Variants in AGBL1 observed in about 807,000 individuals in gnomAD.
AGBL1 encodes the protein AGBL carboxypeptidase 1, also known as cytosolic carboxypeptidase 4.
In AGBL1, 130 loss-of-function variants were observed where a neutral mutation model predicts 118.9. The observed-to-expected ratio is 1.09, with a 90% CI of 0.95 to 1.26. AGBL1 has a LOEUF of 1.26. Ranked by LOEUF, AGBL1 falls within the 50% of genes most tolerant of loss-of-function variation. The probability of loss-of-function intolerance (pLI) is 0.00; values close to 1 mark genes in which losing one functional copy is unlikely to be tolerated. For synonymous variants in AGBL1, 555 were observed against 478.9 expected, an observed-to-expected ratio of 1.16 and a Z score of -2.08; for missense variants, 1,584 against 1,298.1, an observed-to-expected ratio of 1.22 and a Z score of -3.38.
chr15:86,432,072 T>A (rs201210002), intron 18 of AGBL1, among the ~76,000 whole-genome samples: 1 of 21,590 alleles, frequency 4.6e-5, no homozygotes, highest in African/African-American at 2.0e-3. Context: ...CAGGATCAGG[T>A]TTTTAACTCT....
At chr15:86,359,818 A>G (rs746763709) in intron 17 of AGBL1, among the ~76,000 whole-genome samples, 8 of 151,880 alleles carry the variant, frequency 5.3e-5, no homozygotes, top group Non-Finnish European at 8.8e-5. Flanking sequence ...GTTTGCTGCT[A>G]TTATGAGTGG....
chr15:86,485,813 G>C (rs2082705250), intron 18 of AGBL1, among the ~76,000 whole-genome samples: 1 of 152,034 alleles, frequency 6.6e-6, no homozygotes, highest in Admixed American at 6.6e-5. Flanking sequence ...TTCTTATTCT[G>C]ATCCAGGTGG....
At chr15:86,414,704 G>A (rs1342971613) in intron 18 of AGBL1, among the ~76,000 whole-genome samples, 1 of 152,100 alleles carries the variant, frequency 6.6e-6, no homozygotes, top group Non-Finnish European at 1.5e-5. Context: ...ATTTGAACAG[G>A]GTCACATTTG....
chr15:86,530,575 C>T (rs1169134424), intron 19 of AGBL1, among the ~76,000 whole-genome samples: 8 of 148,176 alleles, frequency 5.4e-5, no homozygotes, highest in African/African-American at 1.8e-4. Flanking sequence ...ACAAGGATAC[C>T]CAGGAATTGA....
intron 24 of AGBL1, among the ~76,000 whole-genome samples, chr15:87,026,990 G>T (rs1004824363): frequency 1.3e-5 from 2 of 151,960 alleles, no homozygotes; most frequent in South Asian, 2.1e-4. Context: ...TCAGGGAAAG[G>T]GTGGGAAGGG....
At chr15:86,323,016 T>C (rs1257629560) in intron 17 of AGBL1, among the ~76,000 whole-genome samples, 1 of 152,078 alleles carries the variant, frequency 6.6e-6, no homozygotes, top group African/African-American at 2.4e-5. Context: ...ATCTGTGGAG[T>C]TGTCAAACCA....
intron 17 of AGBL1, among the ~76,000 whole-genome samples, chr15:86,332,887 T>A (rs1343089464): frequency 6.6e-6 from 1 of 152,066 alleles, no homozygotes; most frequent in African/African-American, 2.4e-5. Context: ...AATCCTCTGC[T>A]CTCTCAAAAA....
chr15:86,231,236 G>A (rs1210118575), intron 6 of AGBL1, among the ~76,000 whole-genome samples: 1 of 152,060 alleles, frequency 6.6e-6, no homozygotes, highest in East Asian at 1.9e-4. Context: ...CCTCATACTG[G>A]GCTACACCCA....
At chr15:86,408,605 T>G (rs1404076623) in intron 18 of AGBL1, among the ~76,000 whole-genome samples, 2 of 152,188 alleles carry the variant, frequency 1.3e-5, no homozygotes, top group Non-Finnish European at 2.9e-5. Flanking sequence ...AGAGCAGAAT[T>G]ATTGGTGGAT....
At chr15:86,385,438 A>G (rs888090505) in intron 17 of AGBL1, among the ~76,000 whole-genome samples, 1 of 152,202 alleles carries the variant, frequency 6.6e-6, no homozygotes, top group Non-Finnish European at 1.5e-5. Flanking sequence ...CCTCAGACTC[A>G]TTGGAGCAGA....
chr15:87,003,769 A>G (rs560271742), intron 24 of AGBL1, among the ~76,000 whole-genome samples: 171 of 152,142 alleles, frequency 1.1e-3, no homozygotes, highest in African/African-American at 3.9e-3. Flanking sequence ...TTGCATAGAG[A>G]TGTTTATAGT....
At chr15:86,455,806 AT>A (rs1381821653) in intron 18 of AGBL1, among the ~76,000 whole-genome samples, 2 of 152,142 alleles carry the variant, frequency 1.3e-5, no homozygotes, top group South Asian at 2.1e-4. Context: ...GAGTTCATGC[AT>A]TTTTTCCCCT....
chr15:86,147,639 C>G (rs1317002599), intron 3 of AGBL1, among the ~76,000 whole-genome samples: 1 of 152,220 alleles, frequency 6.6e-6, no homozygotes, highest in Non-Finnish European at 1.5e-5. Context: ...CATAGCTCTT[C>G]AAGGCCTACT....
intron 24 of AGBL1, among the ~76,000 whole-genome samples, chr15:87,021,397 A>G (rs895511216): frequency 1.3e-5 from 2 of 152,208 alleles, no homozygotes; most frequent in Admixed American, 1.3e-4. Context: ...AAAACCCTGA[A>G]AGAAAATCCA....
chr15:86,295,158 C>T, intron 16 of AGBL1, 97 bp from the exon 17 acceptor site: 1 of 1,409,942 alleles, frequency 7.1e-7, no homozygotes, highest in Admixed American at 2.0e-5. Context: ...AGATTAACAA[C>T]AATACTTCTA....
chr15:86,545,921 A>G (rs2083573820), intron 19 of AGBL1, 81 bp from the exon 20 acceptor site: 1 of 1,500,664 alleles, frequency 6.7e-7, no homozygotes, highest in South Asian at 1.3e-5. Flanking sequence ...GCCATGGAAC[A>G]TGAGTAGATA....
At chr15:86,569,035 T>C (rs1353118252) in intron 21 of AGBL1, among the ~76,000 whole-genome samples, 1 of 152,084 alleles carries the variant, frequency 6.6e-6, no homozygotes, top group African/African-American at 2.4e-5. Flanking sequence ...TCCCATATTC[T>C]CTAATACCTT....
At chr15:86,498,398 G>A (rs1243776436) in intron 18 of AGBL1, among the ~76,000 whole-genome samples, 1 of 151,864 alleles carries the variant, frequency 6.6e-6, no homozygotes, top group Non-Finnish European at 1.5e-5. Flanking sequence ...TCAATAAAAT[G>A]GAGTGATTTA....
At chr15:86,183,852 A>G (rs892317879) in intron 5 of AGBL1, among the ~76,000 whole-genome samples, 1 of 152,208 alleles carries the variant, frequency 6.6e-6, no homozygotes, top group East Asian at 1.9e-4. Flanking sequence ...GAACTAAAAT[A>G]TAAAAGGGTA....
Sources: gnomAD v4.1 joint callset for allele counts (sites outside exome capture counted in the v4.1 genomes callset) on GRCh38, gnomAD v4.1.1 for gene constraint, MANE v1.5 for transcripts, NCBI Gene and HGNC (gene_info 2026-07-23, HGNC 2026-07-21) for gene names.